ST8SIA1: variants seen among roughly 807,000 people sequenced by gnomAD.
The protein encoded by ST8SIA1 is ST8 alpha-N-acetyl-neuraminide alpha-2,8-sialyltransferase 1.
A neutral mutation model predicts 35.9 loss-of-function variants in ST8SIA1; 16 were observed. The observed-to-expected ratio is 0.45, with a 90% CI of 0.30 to 0.68. ST8SIA1 has a LOEUF of 0.68. Among genes scored for constraint, ST8SIA1 ranks in the 30% least tolerant of loss-of-function variants. The pLI is 0.09. For missense variants in ST8SIA1, 383 were observed against 453.6 expected, an observed-to-expected ratio of 0.84 and a Z score of 1.41; for synonymous variants, 170 against 169.6, an observed-to-expected ratio of 1.00 and a Z score of -0.02.
At chr12:22,310,065 A>G (rs1866431181) in intron 1 of ST8SIA1, among the ~76,000 whole-genome samples, 1 of 152,202 alleles carries the variant, frequency 6.6e-6, no homozygotes, top group South Asian at 2.1e-4. Flanking sequence ...CTTTGATGCT[A>G]CCACTTACTG....
chr12:22,317,111 T>A (rs1002694188), intron 1 of ST8SIA1, among the ~76,000 whole-genome samples: 27 of 151,894 alleles, frequency 1.8e-4, no homozygotes, highest in African/African-American at 2.4e-5. Context: ...GCATTTTTTT[T>A]ATTTAAAAAA....
At chr12:22,291,378 G>A (rs1421324807) in intron 1 of ST8SIA1, among the ~76,000 whole-genome samples, 1 of 152,192 alleles carries the variant, frequency 6.6e-6, no homozygotes, top group Admixed American at 6.5e-5. Context: ...TCCAAGAGAT[G>A]ACTGAATTTG....
chr12:22,277,627 A>G (rs1319812180), intron 2 of ST8SIA1, among the ~76,000 whole-genome samples: 1 of 152,124 alleles, frequency 6.6e-6, no homozygotes, highest in African/African-American at 2.4e-5. Context: ...TCAGTCTCCT[A>G]AAGTGCTGGG....
chr12:22,266,502 A>AT (rs1555158391), intron 2 of ST8SIA1, among the ~76,000 whole-genome samples: 9,601 of 150,212 alleles, frequency 0.064, 739 homozygotes, highest in African/African-American at 0.18. Flanking sequence ...TTAAAAAAAA[A>AT]ATATATATAT....
At chr12:22,304,708 T>C (rs377652282) in intron 1 of ST8SIA1, among the ~76,000 whole-genome samples, 1 of 152,254 alleles carries the variant, frequency 6.6e-6, no homozygotes, top group Non-Finnish European at 1.5e-5. Context: ...AAAACCTTTT[T>C]TAAAGTGCAC....
intron 4 of ST8SIA1, among the ~76,000 whole-genome samples, chr12:22,202,388 T>G (rs73264098): frequency 1.3e-5 from 2 of 152,216 alleles, no homozygotes; most frequent in African/African-American, 4.8e-5. Flanking sequence ...GGGATTTTGA[T>G]GAAAGGTACT....
intron 1 of ST8SIA1, among the ~76,000 whole-genome samples, chr12:22,308,149 A>T (rs1321452279): frequency 6.6e-6 from 1 of 152,176 alleles, no homozygotes; most frequent in East Asian, 1.9e-4. Context: ...ATATTAGGGC[A>T]TGTGGGAAGT....
At chr12:22,223,146 G>T (rs990384829) in intron 4 of ST8SIA1, 3 of 152,098 alleles carry the variant, frequency 2.0e-5, no homozygotes, top group African/African-American at 7.2e-5. Flanking sequence ...AAACAGAAAA[G>T]GTATAATTAA....
chr12:22,217,718 C>T (rs1168871982), intron 4 of ST8SIA1, among the ~76,000 whole-genome samples: 5 of 152,190 alleles, frequency 3.3e-5, no homozygotes, highest in African/African-American at 1.2e-4. Flanking sequence ...CTTACAACTA[C>T]TAGCTTTCAT....
intron 2 of ST8SIA1, among the ~76,000 whole-genome samples, chr12:22,270,974 AT>A (rs1412948587): frequency 6.6e-6 from 1 of 152,168 alleles, no homozygotes; most frequent in African/African-American, 2.4e-5. Context: ...TTTCCTATGT[AT>A]TTGGCCATAC....
chr12:22,241,663 C>T (rs1363493258), intron 4 of ST8SIA1, among the ~76,000 whole-genome samples: 1 of 141,536 alleles, frequency 7.1e-6, no homozygotes, highest in Non-Finnish European at 1.5e-5. Context: ...AGTGCAGTGG[C>T]GCGATCTCTG....
intron 1 of ST8SIA1, among the ~76,000 whole-genome samples, chr12:22,329,543 C>T (rs1248049952): frequency 6.6e-6 from 1 of 152,146 alleles, no homozygotes; most frequent in Non-Finnish European, 1.5e-5. Flanking sequence ...TCCCAAACTA[C>T]CTTTTCAAAG....
chr12:22,215,631 T>A (rs1322969724), intron 4 of ST8SIA1, among the ~76,000 whole-genome samples: 1 of 152,146 alleles, frequency 6.6e-6, no homozygotes, highest in African/African-American at 2.4e-5. Context: ...ACTCACAACT[T>A]TCCTCCAATA....
At chr12:22,254,253 C>A (rs965271173) in intron 3 of ST8SIA1, among the ~76,000 whole-genome samples, 1 of 152,170 alleles carries the variant, frequency 6.6e-6, no homozygotes, top group African/African-American at 2.4e-5. Flanking sequence ...CATGTCCACT[C>A]ATCCCCGAGA....
chr12:22,292,194 C>T (rs1017905736), intron 1 of ST8SIA1, among the ~76,000 whole-genome samples: 6 of 152,022 alleles, frequency 3.9e-5, no homozygotes, highest in Non-Finnish European at 8.8e-5. Context: ...GTTAAATCTG[C>T]CCTCAAAAAG....
At chr12:22,254,979 T>C (rs1397904298) in intron 3 of ST8SIA1, among the ~76,000 whole-genome samples, 1 of 152,218 alleles carries the variant, frequency 6.6e-6, no homozygotes, top group Non-Finnish European at 1.5e-5. Flanking sequence ...CAAAATCACC[T>C]GACTGTACAA....
At chr12:22,222,669 C>G (rs1865313031) in intron 4 of ST8SIA1, among the ~76,000 whole-genome samples, 1 of 151,664 alleles carries the variant, frequency 6.6e-6, no homozygotes, top group Admixed American at 6.6e-5. Flanking sequence ...CACTGTATCT[C>G]TAGGTTTTTG....
At chr12:22,288,575 G>A (rs1219661049) in intron 1 of ST8SIA1, among the ~76,000 whole-genome samples, 1 of 152,178 alleles carries the variant, frequency 6.6e-6, no homozygotes, top group East Asian at 1.9e-4. Context: ...GCCTGCGGGG[G>A]AGGTGCTCTT....
At position 22,196,917 on chromosome 12, in the gene ST8SIA1, G is replaced by C. The variant is rs912277406; in HGVS notation, c.*4635C>G. 5 of 152,208 alleles carry C rather than the reference G, an allele frequency of 3.3e-5. No individual in the cohort carries two copies. Among genetic ancestry groups the C allele is most frequent in the African/African-American group, 9.7e-5 (4 of 41,424 alleles). 9.4% of individuals were successfully genotyped at this position (152,208 alleles called of 1,614,324 possible). On this transcript the variant is annotated 3_prime_UTR_variant, in exon 5 of 5. Transcript: ENST00000396037. ...CTCTGGAGCCAAGGCAGCTCTCCTGGGAGAGGACAGAGACTGACGGTGCTA... is the reference window on the plus strand; with the variant it reads ...CTCTGGAGCCAAGGCAGCTCTCCTGCGAGAGGACAGAGACTGACGGTGCTA...
Sources: gnomAD v4.1 joint callset for allele counts (sites outside exome capture counted in the v4.1 genomes callset) on GRCh38, gnomAD v4.1.1 for gene constraint, MANE v1.5 for transcripts, NCBI Gene and HGNC (gene_info 2026-07-23, HGNC 2026-07-21) for gene names.